The following TTC6 variants were observed in gnomAD, a reference collection of about 807,000 sequenced individuals.
TTC6 encodes the protein tetratricopeptide repeat domain 6, also known as tetratricopeptide repeat protein 6.
TTC6 carries 172 observed loss-of-function variants against 210.4 expected under a neutral mutation model. That is an observed-to-expected ratio of 0.82 (90% confidence interval 0.72 to 0.93). The LOEUF (loss-of-function observed/expected upper bound fraction) is 0.93. TTC6 is among the 40% of genes least tolerant of loss of function. The pLI, the probability that TTC6 is intolerant of heterozygous loss-of-function variation, is 0.00. For missense variants in TTC6, 2,414 were observed against 2,318.1 expected (o/e 1.04, Z -0.85); for synonymous variants, 804 against 819.6 (o/e 0.98, Z 0.32).
intron 1 of TTC6, among the ~76,000 whole-genome samples, chr14:37,626,602 A>G (rs538657090): frequency 6.6e-6 from 1 of 152,330 alleles, no homozygotes; most frequent in South Asian, 2.1e-4. Context: ...CGTGAATAGC[A>G]GAAGACAGCT....
At chr14:37,832,365 G>A (rs2096187962) in intron 29 of TTC6, among the ~76,000 whole-genome samples, 1 of 102,254 alleles carries the variant, frequency 9.8e-6, no homozygotes, top group African/African-American at 3.7e-5. Context: ...CTAATTTTGG[G>A]CTTGGCTAGT....
At chr14:37,607,431 A>G in intron 2 of TTC6, among the ~76,000 whole-genome samples, 1 of 152,216 alleles carries the variant, frequency 6.6e-6, no homozygotes, top group East Asian at 1.9e-4. Flanking sequence ...AGGTGTGACC[A>G]TCAATGAGAA....
chr14:37,803,898 C>G (rs942907851), intron 20 of TTC6, among the ~76,000 whole-genome samples: 41 of 152,126 alleles, frequency 2.7e-4, no homozygotes, highest in Admixed American at 2.3e-3. Context: ...CTTAGCATAT[C>G]CAAGTGAAAC....
At chr14:37,674,202 TC>T (rs912336682) in intron 1 of TTC6, among the ~76,000 whole-genome samples, 3 of 152,094 alleles carry the variant, frequency 2.0e-5, no homozygotes, top group Non-Finnish European at 2.9e-5. Flanking sequence ...ATGATTTTGT[TC>T]CTTTTCTCAT....
At chr14:37,762,847 G>A (rs1485173984) in intron 14 of TTC6, among the ~76,000 whole-genome samples, 1 of 149,648 alleles carries the variant, frequency 6.7e-6, no homozygotes, top group Non-Finnish European at 1.5e-5. Context: ...TGATCGTAGT[G>A]TATCTTTCTT....
intron 1 of TTC6, among the ~76,000 whole-genome samples, chr14:37,624,971 G>A (rs1368745569): frequency 3.9e-5 from 6 of 151,930 alleles, no homozygotes; most frequent in East Asian, 3.9e-4. Flanking sequence ...GTTTTATGTC[G>A]GAGAGTGGCA....
intron 27 of TTC6, among the ~76,000 whole-genome samples, chr14:37,825,219 A>G (rs1416539340): frequency 6.6e-6 from 1 of 152,192 alleles, no homozygotes; most frequent in Non-Finnish European, 1.5e-5. Context: ...CAGAGATCTT[A>G]CTGTGAGGCA....
chr14:37,771,391 C>A lies in TTC6; in HGVS notation c.3267-16077C>A, dbSNP rs183282683. On this transcript the variant is annotated intron_variant, in intron 14 of 30. Transcript: ENST00000553443. ...GGAAGTTCTCCTGGATAATATCCTG[C>A]AGAGTGTTTTCCAACTTGGTTCCAT... 1.3e-3 allele frequency among the ~76,000 whole-genome samples: 196 copies of A among 152,234 alleles called. 2 individuals carry two copies. In the East Asian group the frequency reaches 0.028, roughly 22 times the overall value.
intron 29 of TTC6, among the ~76,000 whole-genome samples, chr14:37,832,556 A>G (rs2096188511): frequency 6.6e-6 from 1 of 151,540 alleles, no homozygotes; most frequent in African/African-American, 2.4e-5. Context: ...TTCCTTCTGA[A>G]TTTCTTTATT....
At chr14:37,611,169 G>A in intron 2 of TTC6, 1 of 152,554 alleles carries the variant, frequency 6.6e-6, no homozygotes, top group Non-Finnish European at 1.5e-5. Flanking sequence ...CTCCTACAGG[G>A]CAGAGGCGCG....
At chr14:37,725,583 C>A (rs1415384160) in intron 7 of TTC6, among the ~76,000 whole-genome samples, 1 of 151,542 alleles carries the variant, frequency 6.6e-6, no homozygotes, top group Admixed American at 6.6e-5. Context: ...CTCCTGACCT[C>A]AGGTGATCCA....
intron 1 of TTC6, among the ~76,000 whole-genome samples, chr14:37,600,799 T>G (rs2095614292): frequency 6.6e-6 from 1 of 152,214 alleles, no homozygotes; most frequent in Non-Finnish European, 1.5e-5. Context: ...TGGAGAGCAC[T>G]GTTGGGTGGC....
chr14:37,638,578 AAATTACAGG>A (rs2095685451), intron 1 of TTC6, among the ~76,000 whole-genome samples: 1 of 151,030 alleles, frequency 6.6e-6, no homozygotes, highest in African/African-American at 2.4e-5. Flanking sequence ...TCAAATGACA[AAATTACAGG>A]AATGGAGAAC....
intron 1 of TTC6, among the ~76,000 whole-genome samples, chr14:37,650,102 C>G (rs1342182542): frequency 6.6e-6 from 1 of 152,192 alleles, no homozygotes; most frequent in East Asian, 1.9e-4. Context: ...ACTCATTCCC[C>G]TTTGTGAAAG....
intron 1 of TTC6, among the ~76,000 whole-genome samples, chr14:37,642,754 A>G (rs968592746): frequency 7.9e-5 from 12 of 152,206 alleles, no homozygotes; most frequent in African/African-American, 2.7e-4. Flanking sequence ...GCTAGATGGT[A>G]TAGCCTACTA....
chr14:37,642,035 T>G (rs929054797), intron 1 of TTC6, among the ~76,000 whole-genome samples: 5 of 152,256 alleles, frequency 3.3e-5, no homozygotes, highest in African/African-American at 1.2e-4. Context: ...TCTGTTTTAC[T>G]CCATTCCTAC....
At chr14:37,801,505 A>G (rs898015616) in intron 20 of TTC6, among the ~76,000 whole-genome samples, 8 of 152,134 alleles carry the variant, frequency 5.3e-5, no homozygotes, top group African/African-American at 1.9e-4. Context: ...GCTTCCAACC[A>G]ATAGAATATG....
At chr14:37,665,121 C>T (rs991042245) in intron 1 of TTC6, among the ~76,000 whole-genome samples, 4 of 150,346 alleles carry the variant, frequency 2.7e-5, no homozygotes, top group South Asian at 4.2e-4. Context: ...GCAGAAATAC[C>T]ATTTGACCCA....
chr14:37,671,689 C>G (rs912679416), intron 1 of TTC6, among the ~76,000 whole-genome samples: 7 of 152,046 alleles, frequency 4.6e-5, no homozygotes, highest in Non-Finnish European at 1.0e-4. Context: ...CATCCTTCCT[C>G]AGTGATATGA....
Sources: gnomAD v4.1 joint callset for allele counts (sites outside exome capture counted in the v4.1 genomes callset) on GRCh38, gnomAD v4.1.1 for gene constraint, MANE v1.5 for transcripts, NCBI Gene and HGNC (gene_info 2026-07-23, HGNC 2026-07-21) for gene names.